The following RXRA variants were observed in gnomAD, a reference collection of about 807,000 sequenced individuals.
RXRA encodes retinoic acid receptor RXR-alpha.
A neutral mutation model predicts 44.5 loss-of-function variants in RXRA; 5 were observed. The observed-to-expected ratio is 0.11, with a 90% CI of 0.06 to 0.24. The LOEUF (loss-of-function observed/expected upper bound fraction) is 0.24, where lower values mean the gene tolerates loss of function less well. RXRA is among the 10% of genes least tolerant of loss of function. The probability of loss-of-function intolerance (pLI) is 1.00; values close to 1 mark genes in which losing one functional copy is unlikely to be tolerated. For missense variants in RXRA, 412 were observed against 646.5 expected, an observed-to-expected ratio of 0.64 and a Z score of 3.93; for synonymous variants, 291 against 271.4, an observed-to-expected ratio of 1.07 and a Z score of -0.71.
chr9:134,339,279 G>T (rs1322257190), intron 1 of RXRA, among the ~76,000 whole-genome samples: 1 of 152,260 alleles, frequency 6.6e-6, no homozygotes, highest in Non-Finnish European at 1.5e-5. Context: ...GCCTTCAGGG[G>T]CGCGTCGTCC....
At chr9:134,400,175 G>A (rs970216017) in intron 1 of RXRA, among the ~76,000 whole-genome samples, 1 of 152,182 alleles carries the variant, frequency 6.6e-6, no homozygotes, top group Non-Finnish European at 1.5e-5. Context: ...GAGATGCAGG[G>A]TGCACAGGAG....
rs376259989 is a variant in RXRA, at chr9:134,413,563, G to A, written c.611-3595G>A. ...AGGCCAGAATGGTTTGGTGGAGTTC[G>A]GTCCTGCCTGTCTTGGGCCCAGCCC... On this transcript the variant is annotated intron_variant, in intron 4 of 9. Coordinates refer to ENST00000481739, the MANE Select transcript of RXRA (RefSeq NM_002957.6). Among the ~76,000 whole-genome samples, 16 of 152,260 alleles carry A rather than the reference G, an allele frequency of 1.1e-4. 1 individual carries two copies. The South Asian group carries it at 1.9e-3, about 18-fold the overall frequency.
At position 134,408,931 on chromosome 9, in the gene RXRA, G is replaced by C. The variant is rs1365852587; in HGVS notation, c.431-9G>C. ...GTGCTCCCCAGCCCTGCTCTGCCCT[G>C]TCCCGCAGGCAAGCACTATGGAGTG... On this transcript the variant is annotated splice_polypyrimidine_tract_variant and intron_variant, in intron 3 of 9. Coordinates refer to ENST00000481739, the MANE Select transcript of RXRA (RefSeq NM_002957.6). 6.5e-7 allele frequency: 1 copy of C among 1,533,710 alleles called. No homozygotes were observed. Among genetic ancestry groups the C allele is most frequent in the East Asian group, 2.5e-5 (1 of 40,010 alleles).
intron 1 of RXRA, among the ~76,000 whole-genome samples, chr9:134,338,125 G>A (rs1424847443): frequency 6.6e-6 from 1 of 152,174 alleles, no homozygotes; most frequent in East Asian, 1.9e-4. Context: ...GCTGGGCAGT[G>A]ACCACAGGGA....
At position 134,420,514 on chromosome 9, in the gene RXRA, G is replaced by A. The variant is rs34465206; in HGVS notation, c.781-1162G>A. 2.1e-3 allele frequency among the ~76,000 whole-genome samples: 313 copies of A among 152,308 alleles called. 1 individual carries two copies. The highest frequency in any genetic ancestry group is 7.1e-3 in the African/African-American group (295 of 41,580). On this transcript the variant is annotated intron_variant, in intron 5 of 9. Transcript: ENST00000481739. ...CCTGCCCTCTTCCGAGGGTCCTGGC[G>A]AGTCTCTGTGCCATTCCTCGGGGGC...
intron 6 of RXRA, chr9:134,425,956 G>A (rs1486219465): frequency 6.1e-6 from 6 of 985,284 alleles, no homozygotes; most frequent in Middle Eastern, 5.2e-4. Flanking sequence ...GTTGGAGCCC[G>A]AGGCCCCAGC....
chr9:134,396,636 C>T (rs548676135), intron 1 of RXRA, among the ~76,000 whole-genome samples: 121 of 152,216 alleles, frequency 7.9e-4, no homozygotes, highest in African/African-American at 2.6e-3. Flanking sequence ...CATCGCAGGC[C>T]GAGCTCCTCC....
At position 134,365,648 on chromosome 9, in the gene RXRA, G is replaced by A. The variant is rs1019314143; in HGVS notation, c.29-35984G>A. The stretch of plus-strand genomic sequence containing the variant: ...TCCCTCAGCAGGCCTGGGACTGGGC[G>A]GGGACAGTGGGGATGAGTTTCAGGT... On this transcript the variant is annotated intron_variant, in intron 1 of 9. Transcript: ENST00000481739. This position sits in a 1 kb window ranked among gnomAD's most constrained non-coding sequence, Gnocchi z 4.0. Among the ~76,000 whole-genome samples the A allele has an allele frequency of 2.6e-5, 4 of 151,978 alleles. No individual in the cohort carries two copies. The highest frequency in any genetic ancestry group is 9.7e-5 in the African/African-American group (4 of 41,368).
intron 6 of RXRA, chr9:134,422,107 C>T (rs1831346624): frequency 7.4e-7 from 1 of 1,343,424 alleles, no homozygotes; most frequent in Non-Finnish European, 9.8e-7. Context: ...TCCTGGGACA[C>T]ACTTCTACCT....
At chr9:134,356,005 T>C (rs1830279153) in intron 1 of RXRA, among the ~76,000 whole-genome samples, 1 of 152,014 alleles carries the variant, frequency 6.6e-6, no homozygotes, top group Non-Finnish European at 1.5e-5. Flanking sequence ...GGGCCCAGAC[T>C]GCCAAGAGTA....
At chr9:134,386,606 G>T (rs1830724448) in intron 1 of RXRA, among the ~76,000 whole-genome samples, 1 of 152,236 alleles carries the variant, frequency 6.6e-6, no homozygotes, top group Non-Finnish European at 1.5e-5. Flanking sequence ...TCCGTACGTG[G>T]CCGTGCTGAG....
chr9:134,393,719 C>T (rs1269958266), intron 1 of RXRA, among the ~76,000 whole-genome samples: 1 of 152,222 alleles, frequency 6.6e-6, no homozygotes, highest in Non-Finnish European at 1.5e-5. Flanking sequence ...GTCTTCACCT[C>T]TCAGCTCTGT....
chr9:134,369,934 G>A (rs1014369926), intron 1 of RXRA, among the ~76,000 whole-genome samples: 1 of 152,180 alleles, frequency 6.6e-6, no homozygotes, highest in African/African-American at 2.4e-5. Flanking sequence ...GCACACGTGG[G>A]AGCTCGCCAC....
intron 5 of RXRA, among the ~76,000 whole-genome samples, chr9:134,418,806 G>GTGC (rs1554755760): frequency 6.6e-6 from 1 of 152,214 alleles, no homozygotes; most frequent in Non-Finnish European, 1.5e-5. Flanking sequence ...GGTGATGGCT[G>GTGC]TGCTGCTCCT....
intron 1 of RXRA, among the ~76,000 whole-genome samples, chr9:134,335,356 G>T (rs1829984075): frequency 6.6e-6 from 1 of 152,226 alleles, no homozygotes; most frequent in Non-Finnish European, 1.5e-5. Context: ...ATGTAGTTGG[G>T]TTTTGAGGGA....
chr9:134,397,688 G>A (rs1468235909), intron 1 of RXRA, among the ~76,000 whole-genome samples: 1 of 152,214 alleles, frequency 6.6e-6, no homozygotes, highest in Non-Finnish European at 1.5e-5. Flanking sequence ...CACACTGATT[G>A]CCTGTGGTCC....
chr9:134,362,383 G>A (rs1233988715), intron 1 of RXRA, among the ~76,000 whole-genome samples: 3 of 152,300 alleles, frequency 2.0e-5, no homozygotes, highest in East Asian at 1.9e-4. Flanking sequence ...GGCCCGCCTC[G>A]CTGGGTGCCC....
In RXRA at chr9:134,346,933, G is replaced by A. The variant is rs1554748885; in HGVS notation, c.28+20274G>A. ...TACGGAGGGGGAGGGCAAGGCTGGT[G>A]GGGGGCAGCTTGAGAGGCACTGCTT... On this transcript the variant is annotated intron_variant, in intron 1 of 9. Transcript: ENST00000481739. Among the ~76,000 whole-genome samples the A allele has an allele frequency of 3.3e-5, 5 of 152,200 alleles. 1 individual carries two copies. The highest frequency in any genetic ancestry group is 1.2e-4 in the African/African-American group (5 of 41,454).
chr9:134,376,445 C>T (rs547104968), intron 1 of RXRA, among the ~76,000 whole-genome samples: 1 of 152,330 alleles, frequency 6.6e-6, no homozygotes, highest in South Asian at 2.1e-4. Flanking sequence ...ACCACAGCCC[C>T]CACTGCTGCC....
Sources: gnomAD v4.1 joint callset for allele counts (sites outside exome capture counted in the v4.1 genomes callset) on GRCh38, gnomAD v4.1.1 for gene constraint, Gnocchi (gnomAD v3.1) non-coding constraint, MANE v1.5 for transcripts, NCBI Gene and HGNC (gene_info 2026-07-23, HGNC 2026-07-21) for gene names.